GTF2F2: variants seen among roughly 807,000 people sequenced by gnomAD.
GTF2F2 encodes ATP-dependent helicase GTF2F2.
A neutral mutation model predicts 42.2 loss-of-function variants in GTF2F2; 23 were observed. The ratio of observed to expected loss-of-function variants is 0.55; its 90% confidence interval spans 0.39 to 0.77. The LOEUF (loss-of-function observed/expected upper bound fraction) is 0.77, where lower values mean the gene tolerates loss of function less well. Ranked by LOEUF, GTF2F2 falls within the 30% of genes least tolerant of loss-of-function variation. GTF2F2 has a pLI of 0.00. For missense variants in GTF2F2, 261 were observed against 287.2 expected (o/e 0.91, Z 0.66); for synonymous variants, 105 against 100.8 (o/e 1.04, Z -0.25).
At chr13:45,278,803 C>CCTTTTT (rs1275913389) in intron 7 of GTF2F2, among the ~76,000 whole-genome samples, 64 of 141,508 alleles carry the variant, frequency 4.5e-4, no homozygotes, top group Non-Finnish European at 7.2e-4. Flanking sequence ...TGCCAATTTG[C>CCTTTTT]CTTTTTCTTT....
intron 4 of GTF2F2, among the ~76,000 whole-genome samples, chr13:45,201,549 A>G (rs193252255): frequency 6.6e-6 from 1 of 152,314 alleles, no homozygotes; most frequent in African/African-American, 2.4e-5. Context: ...ACTGCTGTTT[A>G]GTGACAGAAT....
At chr13:45,208,539 G>A (rs1040533001) in intron 5 of GTF2F2, among the ~76,000 whole-genome samples, 2 of 152,168 alleles carry the variant, frequency 1.3e-5, no homozygotes, top group African/African-American at 4.8e-5. Flanking sequence ...AAATCTCTGC[G>A]TTCGTGGACC....
intron 4 of GTF2F2, among the ~76,000 whole-genome samples, chr13:45,172,634 T>A (rs1177853936): frequency 6.6e-6 from 1 of 152,252 alleles, no homozygotes; most frequent in African/African-American, 2.4e-5. Flanking sequence ...GTATATGGTA[T>A]GAAATAGGAA....
intron 1 of GTF2F2, among the ~76,000 whole-genome samples, chr13:45,127,959 T>TC: frequency 1.4e-5 from 2 of 139,076 alleles, no homozygotes; most frequent in East Asian, 2.1e-4. Context: ...TTTTTTTTTT[T>TC]TTTTTTTTTT....
intron 5 of GTF2F2, among the ~76,000 whole-genome samples, chr13:45,249,702 G>C (rs1455865000): frequency 6.6e-6 from 1 of 152,180 alleles, no homozygotes; most frequent in Non-Finnish European, 1.5e-5. Flanking sequence ...TTCCTTGGAT[G>C]TCTCATAAGA....
chr13:45,249,773 A>G (rs953650013), intron 5 of GTF2F2, among the ~76,000 whole-genome samples: 4 of 152,136 alleles, frequency 2.6e-5, no homozygotes, highest in African/African-American at 9.7e-5. Context: ...ACAGATTACC[A>G]TTTAGAGAGG....
intron 4 of GTF2F2, 80 bp from the exon 5 acceptor site, chr13:45,207,344 A>T: frequency 1.3e-6 from 1 of 778,158 alleles, no homozygotes; most frequent in South Asian, 1.6e-5. Flanking sequence ...TGATTGTCAT[A>T]TTACTGTGTT....
chr13:45,205,183 T>G (rs1873362691), intron 4 of GTF2F2, among the ~76,000 whole-genome samples: 2 of 152,210 alleles, frequency 1.3e-5, no homozygotes, highest in African/African-American at 4.8e-5. Context: ...GAAACAGGTT[T>G]AATTGACTCA....
intron 5 of GTF2F2, among the ~76,000 whole-genome samples, chr13:45,218,245 G>A (rs867106887): frequency 5.3e-5 from 8 of 152,200 alleles, no homozygotes; most frequent in Non-Finnish European, 2.9e-5. Context: ...TTTAAAATGG[G>A]TGCTGAAGGT....
At chr13:45,153,218 C>T (rs1288515739) in intron 4 of GTF2F2, among the ~76,000 whole-genome samples, 2 of 151,332 alleles carry the variant, frequency 1.3e-5, no homozygotes, top group African/African-American at 4.9e-5. Context: ...CGGGGTTTCA[C>T]CGTGTTAGCC....
rs1877384431 is a variant in GTF2F2, at chr13:45,284,413, A to G, written c.*852A>G. 6.6e-6 allele frequency: 1 copy of G among 152,144 alleles called. No homozygotes were observed. Among genetic ancestry groups the G allele is most frequent in the African/African-American group, 2.4e-5 (1 of 41,446 alleles). 9.4% of individuals were successfully genotyped at this position (152,144 alleles called of 1,614,324 possible). ...AAACGTTAGTTTCAATTCCTGGGGC[A>G]TTAAAATGTTGCTTTTCTCTTTCTC... is the stretch of plus-strand genomic sequence containing the variant. On this transcript the variant is annotated 3_prime_UTR_variant, in exon 8 of 8. Transcript: ENST00000340473.
At chr13:45,227,924 A>C (rs1874444828) in intron 5 of GTF2F2, among the ~76,000 whole-genome samples, 1 of 152,194 alleles carries the variant, frequency 6.6e-6, no homozygotes, top group South Asian at 2.1e-4. Flanking sequence ...CATACAAAGA[A>C]GGGGGACTGA....
intron 5 of GTF2F2, among the ~76,000 whole-genome samples, chr13:45,237,055 G>A (rs530432317): frequency 7.2e-5 from 11 of 152,146 alleles, no homozygotes; most frequent in African/African-American, 2.7e-4. Flanking sequence ...GTCATATGAC[G>A]AATTGATTTG....
chr13:45,254,505 G>A (rs937708228), intron 6 of GTF2F2, among the ~76,000 whole-genome samples: 1 of 152,076 alleles, frequency 6.6e-6, no homozygotes, highest in Non-Finnish European at 1.5e-5. Flanking sequence ...TGAGTGCTTC[G>A]TAAGTAATGA....
intron 4 of GTF2F2, among the ~76,000 whole-genome samples, chr13:45,184,819 TTTTC>T (rs1292207449): frequency 6.6e-6 from 1 of 152,012 alleles, no homozygotes; most frequent in Non-Finnish European, 1.5e-5. Context: ...AAGGTTGTTA[TTTTC>T]TTTGTTTTTG....
intron 4 of GTF2F2, among the ~76,000 whole-genome samples, chr13:45,202,954 A>G (rs954202345): frequency 6.6e-6 from 1 of 152,230 alleles, no homozygotes; most frequent in Non-Finnish European, 1.5e-5. Context: ...AGAGTGAGAC[A>G]TCATCTCAGA....
intron 7 of GTF2F2, among the ~76,000 whole-genome samples, chr13:45,269,900 C>T (rs969191304): frequency 6.6e-6 from 1 of 152,132 alleles, no homozygotes; most frequent in African/African-American, 2.4e-5. Flanking sequence ...GGCACAATCT[C>T]TGCTCACTGC....
At chr13:45,185,263 A>G (rs1006341634) in intron 4 of GTF2F2, among the ~76,000 whole-genome samples, 11 of 152,142 alleles carry the variant, frequency 7.2e-5, no homozygotes, top group African/African-American at 2.7e-4. Flanking sequence ...AGATAATCCA[A>G]ATTTTCCTTA....
At chr13:45,189,832 C>T (rs1453235446) in intron 4 of GTF2F2, among the ~76,000 whole-genome samples, 2 of 152,140 alleles carry the variant, frequency 1.3e-5, no homozygotes, top group Non-Finnish European at 2.9e-5. Context: ...AATTAGTAGA[C>T]TTCCTCAATT....
Sources: gnomAD v4.1 joint callset for allele counts (sites outside exome capture counted in the v4.1 genomes callset) on GRCh38, gnomAD v4.1.1 for gene constraint, MANE v1.5 for transcripts, NCBI Gene and HGNC (gene_info 2026-07-23, HGNC 2026-07-21) for gene names.